TIE1: variants seen among roughly 807,000 people sequenced by gnomAD.
TIE1 encodes tyrosine kinase with immunoglobulin like and EGF like domains 1, also known as tyrosine-protein kinase receptor Tie-1.
In TIE1, 89 loss-of-function variants were observed where a neutral mutation model predicts 130.5. That is an observed-to-expected ratio of 0.68 (90% CI 0.57 to 0.81). TIE1 has a LOEUF of 0.81. Ranked by LOEUF, TIE1 falls within the 40% of genes least tolerant of loss-of-function variation. The probability of loss-of-function intolerance (pLI) is 0.00; values close to 1 mark genes in which losing one functional copy is unlikely to be tolerated. For missense variants in TIE1, 1,392 were observed against 1,559.8 expected (o/e 0.89, Z 1.81); for synonymous variants, 568 against 629.4 (o/e 0.90, Z 1.46).
chr1:43,307,153 G>A lies in TIE1; in HGVS notation c.652G>A (p.Gly218Arg). The A allele has an allele frequency of 6.2e-7, 1 of 1,614,092 alleles. No homozygotes were observed. The highest frequency in any genetic ancestry group is 1.3e-5 in the African/African-American group (1 of 75,042). ...ACACCTTCCTCCAGGTTGTGGGGCT[G>A]GGCGCTGGGGGCCAGGCTGTACCAA... ...FRLIVRGCGA[G>R]RWGPGCTKEC... is the part of the protein sequence containing the mutation. Residue 218 changes from glycine (G) to arginine (R), a missense_variant, in exon 5 of 23, where the codon GGG (glycine) becomes AGG (arginine). By Grantham distance (125) the Gly-to-Arg change is moderately radical. Coordinates refer to ENST00000372476, the MANE Select transcript of TIE1 (RefSeq NM_005424.5). The surrounding 1 kb of genome is among the most constrained non-coding windows in gnomAD (Gnocchi z 5.4).
In TIE1 at chr1:43,319,611, CA is replaced by C; in HGVS notation, c.3107+83del. On this transcript the variant is annotated intron_variant, in intron 19 of 22. Coordinates refer to ENST00000372476, the MANE Select transcript of TIE1 (RefSeq NM_005424.5). The surrounding 1 kb of genome is among the most constrained non-coding windows in gnomAD (Gnocchi z 4.7). ...TGACCTAGACATATCTCAGAAATGT[CA>C]TAGGTGGTCTAAGGCATGACCTGGG... 2 of 1,421,646 alleles carry C rather than the reference CA, an allele frequency of 1.4e-6. No individual in the cohort carries two copies. Among genetic ancestry groups the C allele is most frequent in the Non-Finnish European group, 2.0e-6 (2 of 1,006,622 alleles). The allele number at this position is 1,421,646 out of a possible 1,614,324, so 88.1% of individuals were successfully genotyped here.
intron 1 of TIE1, among the ~76,000 whole-genome samples, chr1:43,301,598 G>A (rs897663650): frequency 6.6e-6 from 1 of 152,202 alleles, no homozygotes; most frequent in Non-Finnish European, 1.5e-5. Context: ...TTTGCCGGGT[G>A]TGGTGGCTCA....
rs376021904 is a variant in TIE1 at position 43,307,957 on chromosome 1, A to G, written c.1042+33A>G. 9 of 1,610,450 alleles carry G rather than the reference A, an allele frequency of 5.6e-6. No homozygotes were observed. Among genetic ancestry groups the G allele is most frequent in the Admixed American group, 1.7e-5 (1 of 59,940 alleles). The stretch of plus-strand genomic sequence containing the variant: ...CACTATGACCTCTGAGAGCCCCCCA[A>G]GATAAGTCGGCCTTTACCAAACACA... On this transcript the variant is annotated intron_variant, in intron 7 of 22. Coordinates refer to ENST00000372476, the MANE Select transcript of TIE1 (RefSeq NM_005424.5). The surrounding 1 kb of genome is among the most constrained non-coding windows in gnomAD (Gnocchi z 5.4).
intron 9 of TIE1, among the ~76,000 whole-genome samples, chr1:43,311,257 T>C (rs1646787197): frequency 6.6e-6 from 1 of 151,574 alleles, no homozygotes; most frequent in African/African-American, 2.4e-5. Flanking sequence ...CTATGAAGCG[T>C]GTGGCGGGGA....
In TIE1 at chr1:43,307,601, G is replaced by C; in HGVS notation, c.913+29G>C. On this transcript the variant is annotated intron_variant, in intron 6 of 22. Transcript: ENST00000372476. The surrounding 1 kb of genome is among the most constrained non-coding windows in gnomAD (Gnocchi z 5.4). ...TGCCTAACCTACCCTCATGGTCCCT[G>C]ACCAAGACAGCTGGCCAGGAGCTTG... 6.2e-7 allele frequency: 1 copy of C among 1,613,538 alleles called. No individual in the cohort carries two copies. Among genetic ancestry groups the C allele is most frequent in the Non-Finnish European group, 8.5e-7 (1 of 1,179,712 alleles).
Position 43,306,809 on chromosome 1 carries a change from C to T in TIE1, c.485-31C>T. ...GAGGTGACACAGCCCTCATGTAGTG[C>T]TGAGGCCCCTGACACATTCATGTCC... On this transcript the variant is annotated intron_variant, in intron 3 of 22. Transcript: ENST00000372476. This position sits in a 1 kb window ranked among gnomAD's most constrained non-coding sequence, Gnocchi z 4.9. The T allele has an allele frequency of 6.3e-7, 1 of 1,582,232 alleles. No homozygotes were observed. Among genetic ancestry groups the T allele is most frequent in the Non-Finnish European group, 8.6e-7 (1 of 1,164,428 alleles).
At position 43,317,806 on chromosome 1, in the gene TIE1, T is replaced by C; in HGVS notation, c.2732-76T>C. The C allele has an allele frequency of 2.6e-6, 4 of 1,544,026 alleles. No homozygotes were observed. The highest frequency in any genetic ancestry group is 3.6e-6 in the Non-Finnish European group (4 of 1,123,574). Reference sequence around the variant, plus strand: ...CCCTTGATCCTCCTTCATCCCTGTCTGTTACCATCGGGTGCCTGCTCCCAC... The same window carrying C: ...CCCTTGATCCTCCTTCATCCCTGTCCGTTACCATCGGGTGCCTGCTCCCAC... On this transcript the variant is annotated intron_variant, in intron 16 of 22. Transcript: ENST00000372476. The surrounding 1 kb of genome is among the most constrained non-coding windows in gnomAD (Gnocchi z 5.1).
In TIE1 at chr1:43,306,748, G is replaced by A. The variant is rs1488832985; in HGVS notation, c.485-92G>A. 2 of 1,466,880 alleles carry A rather than the reference G, an allele frequency of 1.4e-6. No homozygotes were observed. 90.9% of individuals were successfully genotyped at this position (1,466,880 alleles called of 1,614,324 possible). ...CCTAGGTCTCATCACTGTGCATGGG[G>A]CTCATTGATGTGAGCTGAGCAGAGG... is the stretch of plus-strand genomic sequence containing the variant. On this transcript the variant is annotated intron_variant, in intron 3 of 22. Transcript: ENST00000372476. This position sits in a 1 kb window ranked among gnomAD's most constrained non-coding sequence, Gnocchi z 4.9.
intron 7 of TIE1, chr1:43,308,746 G>A: frequency 1.6e-6 from 1 of 614,506 alleles, no homozygotes; most frequent in South Asian, 1.7e-5. Flanking sequence ...GGATGGTGAG[G>A]GGTCTGCTGG....
Position 43,322,782 on chromosome 1 carries a change from T to C in TIE1, c.*60T>C. ...GGAGCAAACTCTGCTGTCTAACCTG[T>C]GACCAGTCTGACCCTTACAGCCTCT... On this transcript the variant is annotated 3_prime_UTR_variant, in exon 23 of 23. Transcript: ENST00000372476. This position sits in a 1 kb window ranked among gnomAD's most constrained non-coding sequence, Gnocchi z 4.0. 1.3e-6 allele frequency: 2 copies of C among 1,512,380 alleles called. No individual in the cohort carries two copies. The highest frequency in any genetic ancestry group is 1.8e-6 in the Non-Finnish European group (2 of 1,096,098). The allele number at this position is 1,512,380 out of a possible 1,614,324, so 93.7% of individuals were successfully genotyped here.
chr1:43,303,522 T>A (rs2153909982), intron 1 of TIE1, among the ~76,000 whole-genome samples: 1 of 152,286 alleles, frequency 6.6e-6, no homozygotes, highest in Middle Eastern at 3.4e-3. Context: ...GCATTTAAAC[T>A]AATGAACTGC....
In TIE1 at chr1:43,307,524, T is replaced by A; in HGVS notation, c.865T>A (p.Tyr289Asn). ...CCTCACCTTCTGCCTCCCAGACCCC[T>A]ATGGCTGCTCTTGTGGATCTGGCTG... ...RGLTFCLPDP[Y>N]GCSCGSGWRG... Residue 289 changes from tyrosine (Y) to asparagine (N), a missense_variant, in exon 6 of 23, where the codon TAT (tyrosine) becomes AAT (asparagine). Transcript: ENST00000372476. The surrounding 1 kb of genome is among the most constrained non-coding windows in gnomAD (Gnocchi z 5.4). 1 of 1,614,114 alleles carries A rather than the reference T, an allele frequency of 6.2e-7. No individual in the cohort carries two copies. The highest frequency in any genetic ancestry group is 8.5e-7 in the Non-Finnish European group (1 of 1,180,002).
In TIE1 at chr1:43,322,553, A is replaced by T; in HGVS notation, c.3346-98A>T. 1 of 877,140 alleles carries T rather than the reference A, an allele frequency of 1.1e-6. No homozygotes were observed. Among genetic ancestry groups the T allele is most frequent in the Non-Finnish European group, 1.9e-6 (1 of 536,706 alleles). The allele number at this position is 877,140 out of a possible 1,614,324, so 54.3% of individuals were successfully genotyped here. A position where few individuals can be genotyped will look rare whatever the true frequency, so the allele number is the denominator to read the frequency against. ...CCATCTTAGGTCTCCAGAACAAATC[A>T]GTGTCAGTTCAAATGCCCCCACCAC... On this transcript the variant is annotated intron_variant, in intron 22 of 22. Coordinates refer to ENST00000372476, the MANE Select transcript of TIE1 (RefSeq NM_005424.5). The surrounding 1 kb of genome is among the most constrained non-coding windows in gnomAD (Gnocchi z 4.0).
Position 43,323,038 on chromosome 1 carries a change from A to G in TIE1, c.*316A>G. 2 of 329,516 alleles carry G rather than the reference A, an allele frequency of 6.1e-6. No individual in the cohort carries two copies. Among genetic ancestry groups the G allele is most frequent in the Non-Finnish European group, 1.1e-5 (2 of 177,178 alleles). 20.4% of individuals were successfully genotyped at this position (329,516 alleles called of 1,614,324 possible). On this transcript the variant is annotated 3_prime_UTR_variant, in exon 23 of 23. Coordinates refer to ENST00000372476, the MANE Select transcript of TIE1 (RefSeq NM_005424.5). ...GCTTAAGCCAGCACTCACACCACTA[A>G]CATGCCCTGTTCAGCTACTCCCACT...
At position 43,322,454 on chromosome 1, in the gene TIE1, C is replaced by G. The variant is rs1361171024; in HGVS notation, c.3346-197C>G. On this transcript the variant is annotated intron_variant, in intron 22 of 22. Coordinates refer to ENST00000372476, the MANE Select transcript of TIE1 (RefSeq NM_005424.5). This position sits in a 1 kb window ranked among gnomAD's most constrained non-coding sequence, Gnocchi z 4.0. ...CCTCTAACAATGGCATTGAGAGCCT[C>G]TCACCTGAGGCCCCAACTGTGGCCT... 2.0e-5 allele frequency among the ~76,000 whole-genome samples: 3 copies of G among 152,224 alleles called. No homozygotes were observed. Among genetic ancestry groups the G allele is most frequent in the Admixed American group, 1.3e-4 (2 of 15,294 alleles).
At chr1:43,321,209 A>C in intron 19 of TIE1, 60 bp from the exon 20 acceptor site, 2 of 1,586,684 alleles carry the variant, frequency 1.3e-6, no homozygotes, top group Non-Finnish European at 1.7e-6. Context: ...GGGCAGGTAG[A>C]AGCTAAACTG....
rs758126504 is a variant in TIE1 at position 43,307,244 on chromosome 1, CT to C, written c.744del (p.Gly249AlafsTer116). The C allele has an allele frequency of 2.2e-5, 36 of 1,614,030 alleles. No individual in the cohort carries two copies. Among genetic ancestry groups the C allele is most frequent in the Non-Finnish European group, 3.0e-5 (35 of 1,180,014 alleles). On this transcript the variant is annotated frameshift_variant, in exon 5 of 23. Transcript: ENST00000372476. LOFTEE classifies it high-confidence loss of function. The surrounding 1 kb of genome is among the most constrained non-coding windows in gnomAD (Gnocchi z 5.4). Reference sequence around the variant, plus strand: ...CATGACGGCGAATGTGTATGCCCCCCTGGCTTCACTGGCACCCGCTGTGAAC... The same window carrying C: ...CATGACGGCGAATGTGTATGCCCCCCGGCTTCACTGGCACCCGCTGTGAAC... Reference protein sequence around the residue: ...HDHDGECVCPPGFTGTRCEQA... With the variant: ...HDHDGECVCPXGFTGTRCEQA...
At position 43,319,165 on chromosome 1, in the gene TIE1, C is replaced by A; in HGVS notation, c.2923-70C>A. The A allele has an allele frequency of 8.7e-7, 1 of 1,152,148 alleles. No individual in the cohort carries two copies. The highest frequency in any genetic ancestry group is 1.3e-6 in the Non-Finnish European group (1 of 760,176). 71.4% of individuals were successfully genotyped at this position (1,152,148 alleles called of 1,614,324 possible). A position where few individuals can be genotyped will look rare whatever the true frequency, so the allele number is the denominator to read the frequency against. On this transcript the variant is annotated intron_variant, in intron 17 of 22. Transcript: ENST00000372476. The surrounding 1 kb of genome is among the most constrained non-coding windows in gnomAD (Gnocchi z 4.7). ...TAACAAGGGTACCCACGAAGACTGA[C>A]TCCTTACTGGCCTGACTGTCCTGGG...
At position 43,318,822 on chromosome 1, in the gene TIE1, A is replaced by T. The variant is rs1646886198; in HGVS notation, c.2923-413A>T. 6.6e-6 allele frequency among the ~76,000 whole-genome samples: 1 copy of T among 151,976 alleles called. No homozygotes were observed. Among genetic ancestry groups the T allele is most frequent in the Non-Finnish European group, 1.5e-5 (1 of 68,006 alleles). On this transcript the variant is annotated intron_variant, in intron 17 of 22. Transcript: ENST00000372476. The surrounding 1 kb of genome is among the most constrained non-coding windows in gnomAD (Gnocchi z 4.4). ...CCTGGCCAGCATTTTAAAGATAGTA[A>T]AGTTTTGAGTATGTTTGAAAGCAGA...
Sources: allele counts gnomAD v4.1 joint callset (sites outside exome capture counted in the v4.1 genomes callset), GRCh38; gene constraint gnomAD v4.1.1; non-coding constraint Gnocchi (gnomAD v3.1); transcripts MANE v1.5; gene names NCBI Gene and HGNC (gene_info 2026-07-23, HGNC 2026-07-21).